Variants in MFSD12 observed in about 807,000 individuals in gnomAD.
MFSD12 encodes major facilitator superfamily domain-containing protein 12.
Under a neutral mutation model 51.2 loss-of-function variants are expected in MFSD12, and 67 were observed. The ratio of observed to expected loss-of-function variants is 1.31; its 90% CI spans 1.08 to 1.60. MFSD12 has a LOEUF of 1.60. Among genes scored for constraint, MFSD12 ranks in the 40% most tolerant of loss-of-function variants. MFSD12 has a pLI of 0.00. For missense variants in MFSD12, 921 were observed against 673.0 expected (o/e 1.37, Z -4.08); for synonymous variants, 441 against 316.7 (o/e 1.39, Z -4.17).
rs373756243 is a variant in MFSD12 at position 3,544,735 on chromosome 19, G to T, written c.1421-3C>A. ...TCAGGGCCGGGCATCACGGTCCCCT[G>T]CAAGGGAGGGGTGGAAATGGCATTA... On this transcript the variant is annotated splice_region_variant and splice_polypyrimidine_tract_variant and intron_variant, in intron 9 of 9. Coordinates refer to ENST00000355415, the MANE Select transcript of MFSD12 (RefSeq NM_174983.5). The T allele has an allele frequency of 2.5e-6, 4 of 1,589,358 alleles. No homozygotes were observed. The Admixed American group carries it at 6.8e-5, about 27-fold the overall frequency.
Position 3,544,901 on chromosome 19 carries a change from TG to T in MFSD12, c.1327del (p.His443ThrfsTer7). ...GCCCGTCACAGCCACCATCGCCCAG[TG>T]GTAAAAGCTCACGCAGGCCCTGCAG... The part of the protein sequence containing the change: ...LCCRACVSFY[H>X]WAMVAVTGGV... On this transcript the variant is annotated frameshift_variant, in exon 9 of 10. Coordinates refer to ENST00000355415, the MANE Select transcript of MFSD12 (RefSeq NM_174983.5). LOFTEE classifies it high-confidence loss of function. The T allele has an allele frequency of 6.2e-7, 1 of 1,611,554 alleles. No individual in the cohort carries two copies. The highest frequency in any genetic ancestry group is 8.5e-7 in the Non-Finnish European group (1 of 1,179,464).
chr19:3,539,914 A>AG (rs2030219872), downstream of MFSD12: 1 of 152,152 alleles, frequency 6.6e-6, no homozygotes, highest in East Asian at 1.9e-4. Flanking sequence ...GCCATGAAAA[A>AG]GAAGAGTGAA....
chr19:3,540,725 CA>C (rs1312986423), downstream of MFSD12, among the ~76,000 whole-genome samples: 9 of 150,618 alleles, frequency 6.0e-5, no homozygotes. Flanking sequence ...ACTAAAAATA[CA>C]AAATTAGCCG....
downstream of MFSD12, chr19:3,543,624 GCACC>G (rs768763967): frequency 1.3e-4 from 198 of 1,544,606 alleles, 2 homozygotes; most frequent in South Asian, 2.2e-3. Context: ...CAGGCCCCCA[GCACC>G]CGGTGGGGGA....
intron 8 of MFSD12, among the ~76,000 whole-genome samples, chr19:3,545,794 G>T (rs537840393): frequency 2.0e-5 from 3 of 152,328 alleles, no homozygotes; most frequent in South Asian, 2.1e-4. Context: ...TGTGGGTCTG[G>T]GTTACACGGA....
chr19:3,543,481 C>A (rs976828920), downstream of MFSD12: 2 of 404,688 alleles, frequency 4.9e-6, no homozygotes, highest in Non-Finnish European at 3.3e-6. Context: ...CGGGTGAGTG[C>A]CCCCCCCCCC....
In MFSD12 at chr19:3,544,303, G is replaced by C. The variant is rs1298524759; in HGVS notation, c.*407C>G. 9 of 1,278,424 alleles carry C rather than the reference G, an allele frequency of 7.0e-6. No individual in the cohort carries two copies. The African/African-American group carries it at 7.6e-5, about 11-fold the overall frequency. 79.2% of individuals were successfully genotyped at this position (1,278,424 alleles called of 1,614,324 possible). The stretch of plus-strand genomic sequence containing the variant: ...AGGCCCAGCCCACCACCCCGTGGCT[G>C]TCTCCTCCAGGCTCCAGCCGTCCTG... On this transcript the variant is annotated 3_prime_UTR_variant, in exon 10 of 10. Transcript: ENST00000355415.
Position 3,557,362 on chromosome 19 carries a change from CG to C in MFSD12, c.41del (p.Pro14ArgfsTer10). 6.7e-7 allele frequency: 1 copy of C among 1,486,240 alleles called. No individual in the cohort carries two copies. The highest frequency in any genetic ancestry group is 9.0e-7 in the Non-Finnish European group (1 of 1,116,416). The allele number at this position is 1,486,240 out of a possible 1,614,324, so 92.1% of individuals were successfully genotyped here. A position where few individuals can be genotyped will look rare whatever the true frequency, so the allele number is the denominator to read the frequency against. ...GCCGCGCCACCAGGGACAGCGGCCG[CG>C]GGGACGGCGCCGCTCCGGCCGCTGG... is the stretch of plus-strand genomic sequence containing the variant. ...GPPAAGAAPSPRPLSLVARLS... is the reference protein window; with the variant it reads ...GPPAAGAAPSXRPLSLVARLS... On this transcript the variant is annotated frameshift_variant, in exon 1 of 10. Coordinates refer to ENST00000355415, the MANE Select transcript of MFSD12 (RefSeq NM_174983.5). LOFTEE classifies it high-confidence loss of function.
chr19:3,544,491 T>C lies in MFSD12; in HGVS notation c.*219A>G. The C allele has an allele frequency of 2.9e-6, 4 of 1,382,750 alleles. No individual in the cohort carries two copies. The highest frequency in any genetic ancestry group is 3.7e-6 in the Non-Finnish European group (4 of 1,070,582). The allele number at this position is 1,382,750 out of a possible 1,614,324, so 85.7% of individuals were successfully genotyped here. A position where few individuals can be genotyped will look rare whatever the true frequency, so the allele number is the denominator to read the frequency against. The stretch of plus-strand genomic sequence containing the variant: ...TCCAGAGGGCTGGGATGGATTAGAG[T>C]TGAGAATGGGACACCCTCAAAACCC... On this transcript the variant is annotated 3_prime_UTR_variant, in exon 10 of 10. Coordinates refer to ENST00000355415, the MANE Select transcript of MFSD12 (RefSeq NM_174983.5).
In MFSD12 at chr19:3,544,727, G is replaced by A. The variant is rs7252640; in HGVS notation, c.1426C>T (p.Arg476Cys). 0.011 allele frequency: 17,547 copies of A among 1,603,420 alleles called. 809 individuals carry two copies. Among genetic ancestry groups the A allele is most frequent in the South Asian group, 0.099 (8,865 of 89,584 alleles). ...GTCAGGAGTCAGGGCCGGGCATCAC[G>A]GTCCCCTGCAAGGGAGGGGTGGAAA... is the stretch of plus-strand genomic sequence containing the variant. ...LWPTRLRRWD[R>C]DARP is the part of the protein sequence containing the mutation. The change falls in exon 10 of 10, where the codon CGT (arginine) becomes TGT (cysteine). Residue 476 changes from arginine (R) to cysteine (C), a missense_variant. Coordinates refer to ENST00000355415, the MANE Select transcript of MFSD12 (RefSeq NM_174983.5).
intron 1 of MFSD12, among the ~76,000 whole-genome samples, chr19:3,553,121 G>C (rs1013959348): frequency 6.6e-6 from 1 of 152,140 alleles, no homozygotes; most frequent in Non-Finnish European, 1.5e-5. Context: ...GAGGGTTTGC[G>C]CAGATTCCTG....
intron 4 of MFSD12, chr19:3,539,120 T>A: frequency 8.2e-7 from 1 of 1,219,752 alleles, no homozygotes; most frequent in Admixed American, 2.0e-5. Flanking sequence ...GTGGCCTTTA[T>A]GCTGTCAACG....
downstream of MFSD12, chr19:3,543,631 G>C (rs1227190436): frequency 7.1e-6 from 11 of 1,544,360 alleles, no homozygotes; most frequent in South Asian, 7.2e-5. Flanking sequence ...CCAGCACCCG[G>C]TGGGGGAGCG....
Position 3,551,121 on chromosome 19 carries a change from C to G in MFSD12, c.372G>C (p.Glu124Asp), listed in dbSNP as rs1199885046. The G allele has an allele frequency of 2.5e-6, 4 of 1,612,960 alleles. No homozygotes were observed. The highest frequency in any genetic ancestry group is 2.5e-6 in the Non-Finnish European group (3 of 1,179,972). Reference protein sequence around the residue: ...PCLGCGAATPEWAALLYYGPF... With the variant: ...PCLGCGAATPDWAALLYYGPF... ...GGCCGTAGTAGAGGAGGGCAGCCCA[C>G]TCGGGCGTGGCCGCCCCACAGCCCA... The change falls in exon 2 of 10, where the codon GAG (glutamate) becomes GAC (aspartate). Residue 124 changes from glutamate to aspartate, a missense_variant. By Grantham distance (45) the Glu-to-Asp change is conservative. Transcript: ENST00000355415. This position sits in a 1 kb window ranked among gnomAD's most constrained non-coding sequence, Gnocchi z 4.6.
chr19:3,548,168 G>C lies in MFSD12; in HGVS notation c.609C>G (p.Ile203Met), dbSNP rs915331103. 18 of 1,599,490 alleles carry C rather than the reference G, an allele frequency of 1.1e-5. No homozygotes were observed. Among genetic ancestry groups the C allele is most frequent in the Admixed American group, 1.7e-5 (1 of 58,330 alleles). ...GGCCCCCCAGCTGGTCGCTGATGCTGATGTCTTGGGTGGGCTCCACCCGCG... is the reference window on the plus strand; with the variant it reads ...GGCCCCCCAGCTGGTCGCTGATGCTCATGTCTTGGGTGGGCTCCACCCGCG... ...GSSRVEPTQD[I>M]SISDQLGGQD... Residue 203 changes from isoleucine to methionine, a missense_variant, in exon 3 of 10, where the codon ATC becomes ATG. Transcript: ENST00000355415.
chr19:3,542,736 G>C, downstream of MFSD12: 1 of 1,325,992 alleles, frequency 7.5e-7, no homozygotes. Context: ...ACCTGCCTCA[G>C]CCTCCCAAAG....
chr19:3,540,318 T>C (rs545188770), downstream of MFSD12, among the ~76,000 whole-genome samples: 5 of 151,338 alleles, frequency 3.3e-5, no homozygotes, highest in Non-Finnish European at 7.4e-5. Flanking sequence ...AACGCAATGG[T>C]GCAATCTTGG....
rs983587044 is a variant in MFSD12 at position 3,544,646 on chromosome 19, C to G, written c.*64G>C. ...GGGCAGTGGGGGCTTTTCCCCAAGG[C>G]CCTGGGGGGCATCCTCGTGCGTCCC... On this transcript the variant is annotated 3_prime_UTR_variant, in exon 10 of 10. Coordinates refer to ENST00000355415, the MANE Select transcript of MFSD12 (RefSeq NM_174983.5). 6.5e-7 allele frequency: 1 copy of G among 1,544,906 alleles called. No individual in the cohort carries two copies. The highest frequency in any genetic ancestry group is 1.4e-5 in the African/African-American group (1 of 73,686).
chr19:3,540,580 T>A (rs1413887077), downstream of MFSD12, among the ~76,000 whole-genome samples: 6 of 151,460 alleles, frequency 4.0e-5, no homozygotes, highest in African/African-American at 1.2e-4. Flanking sequence ...CTATAAAAAA[T>A]TTAAAAATCA....
Sources: allele counts gnomAD v4.1 joint callset (sites outside exome capture counted in the v4.1 genomes callset), GRCh38; gene constraint gnomAD v4.1.1; non-coding constraint Gnocchi (gnomAD v3.1); transcripts MANE v1.5; gene names NCBI Gene and HGNC (gene_info 2026-07-23, HGNC 2026-07-21).